Variants in ZNF33A observed in about 807,000 individuals in gnomAD.
ZNF33A encodes the protein brain my041 protein.
Under a neutral mutation model 15.9 loss-of-function variants are expected in ZNF33A, and 9 were observed. The observed-to-expected ratio is 0.57, with a 90% CI of 0.34 to 0.99. The LOEUF is 0.99. Among genes scored for constraint, ZNF33A ranks in the 50% least tolerant of loss-of-function variants. ZNF33A has a pLI of 0.02. For missense variants in ZNF33A, 843 were observed against 941.6 expected (o/e 0.90, Z 1.37); for synonymous variants, 294 against 324.2 (o/e 0.91, Z 1.00).
Position 38,056,635 on chromosome 10 carries a change from A to G in ZNF33A, c.*75A>G. ...ACCCATAGACTACAACAATTATAGG[A>G]CAGCTTTTGTTAGGAAGTGATATTC... On this transcript the variant is annotated 3_prime_UTR_variant, in exon 5 of 5. Transcript: ENST00000432900. 2 of 1,482,698 alleles carry G rather than the reference A, an allele frequency of 1.3e-6. No individual in the cohort carries two copies. Among genetic ancestry groups the G allele is most frequent in the Non-Finnish European group, 1.8e-6 (2 of 1,123,068 alleles). 91.8% of individuals were successfully genotyped at this position (1,482,698 alleles called of 1,614,324 possible).
intron 4 of ZNF33A, among the ~76,000 whole-genome samples, chr10:38,038,765 G>C (rs775988598): frequency 6.6e-6 from 1 of 152,034 alleles, no homozygotes; most frequent in Non-Finnish European, 1.5e-5. Context: ...CTCTATTCCT[G>C]GTTTGCTGAT....
At chr10:38,021,521 G>T (rs55816483) in intron 4 of ZNF33A, among the ~76,000 whole-genome samples, 79,832 of 151,776 alleles carry the variant, frequency 0.53, 21,309 homozygotes, top group South Asian at 0.71. Context: ...CATGCCTGTA[G>T]TCCCAGCTAC....
At chr10:38,015,838 C>G (rs2064428204) in intron 2 of ZNF33A, 1 of 426,690 alleles carries the variant, frequency 2.3e-6, no homozygotes. Context: ...CTGGTTTCTT[C>G]TACAGTAGTT....
rs2066535774 is a variant in ZNF33A at position 38,057,542 on chromosome 10, C to T, written c.*982C>T. ...TAGTGGTTACATTATCAGGCCCATC[C>T]CAGATGTTTGTGATGTCCTGAAACA... is the stretch of plus-strand genomic sequence containing the variant. On this transcript the variant is annotated 3_prime_UTR_variant, in exon 5 of 5. Transcript: ENST00000432900. 6.1e-6 allele frequency: 6 copies of T among 985,056 alleles called. No homozygotes were observed. The highest frequency in any genetic ancestry group is 6.0e-6 in the Non-Finnish European group (5 of 829,770). The allele number at this position is 985,056 out of a possible 1,614,324, so 61.0% of individuals were successfully genotyped here.
At position 38,054,531 on chromosome 10, in the gene ZNF33A, G is replaced by C. The variant is rs766342987; in HGVS notation, c.407G>C (p.Arg136Thr). Residue 136 changes from arginine to threonine, a missense_variant, in exon 5 of 5, where the codon AGA becomes ACA. Transcript: ENST00000432900. ...FNVDVSSFPSRKMFCQCDSCG... is the reference protein window; with the variant it reads ...FNVDVSSFPSTKMFCQCDSCG... Reference sequence around the variant, plus strand: ...GTGGATGTAAGTTCTTTTCCTTCCAGAAAAATGTTCTGTCAGTGTGATTCA... The same window carrying C: ...GTGGATGTAAGTTCTTTTCCTTCCACAAAAATGTTCTGTCAGTGTGATTCA... 1.9e-6 allele frequency: 3 copies of C among 1,612,680 alleles called. No homozygotes were observed. Among genetic ancestry groups the C allele is most frequent in the Non-Finnish European group, 2.5e-6 (3 of 1,179,576 alleles).
intron 1 of ZNF33A, among the ~76,000 whole-genome samples, chr10:38,011,399 A>G (rs1351605799): frequency 2.0e-5 from 3 of 152,128 alleles, no homozygotes; most frequent in Non-Finnish European, 4.4e-5. Flanking sequence ...AGCCTGACCA[A>G]CATGGTGAAA....
chr10:38,034,097 T>C (rs1437424696), intron 4 of ZNF33A, among the ~76,000 whole-genome samples: 4 of 152,242 alleles, frequency 2.6e-5, no homozygotes, highest in African/African-American at 7.2e-5. Context: ...TCATGACTTA[T>C]AGAAAAATTG....
rs925239769 is a variant in ZNF33A at position 38,059,241 on chromosome 10, C to T, written c.*2681C>T. The T allele has an allele frequency of 6.6e-6, 1 of 152,072 alleles. No homozygotes were observed. Among genetic ancestry groups the T allele is most frequent in the Non-Finnish European group, 1.5e-5 (1 of 68,018 alleles). The allele number at this position is 152,072 out of a possible 1,614,324, so 9.4% of individuals were successfully genotyped here. On this transcript the variant is annotated 3_prime_UTR_variant, in exon 5 of 5. Transcript: ENST00000432900. ...TGGTAAAGAACATACTACAAAAAACCCTACAGCTAACATTATCCTTGATGT... is the reference window on the plus strand; with the variant it reads ...TGGTAAAGAACATACTACAAAAAACTCTACAGCTAACATTATCCTTGATGT...
chr10:38,019,381 ATTG>A (rs1322153876), intron 4 of ZNF33A, among the ~76,000 whole-genome samples: 3 of 152,040 alleles, frequency 2.0e-5, no homozygotes, highest in Non-Finnish European at 2.9e-5. Flanking sequence ...AATCCAGTCT[ATTG>A]TTGTTGGACA....
At chr10:38,033,901 C>T (rs189820744) in intron 4 of ZNF33A, among the ~76,000 whole-genome samples, 16 of 151,876 alleles carry the variant, frequency 1.1e-4, no homozygotes, top group Middle Eastern at 3.4e-3. Context: ...TTGGTAGAGA[C>T]GGGGTTTCAT....
At chr10:38,051,355 A>C (rs2135743992) in intron 4 of ZNF33A, among the ~76,000 whole-genome samples, 1 of 152,330 alleles carries the variant, frequency 6.6e-6, no homozygotes, top group African/African-American at 2.4e-5. Context: ...CAGAAATCAG[A>C]AATTTAACCC....
chr10:38,061,787 C>A (rs972247920), downstream of ZNF33A, among the ~76,000 whole-genome samples: 3 of 151,986 alleles, frequency 2.0e-5, no homozygotes, highest in African/African-American at 7.3e-5. Context: ...ATGGTGAAAC[C>A]CCGTCTCTAC....
At chr10:38,038,218 G>A (rs568837628) in intron 4 of ZNF33A, among the ~76,000 whole-genome samples, 15 of 152,142 alleles carry the variant, frequency 9.9e-5, no homozygotes, top group South Asian at 2.1e-4. Flanking sequence ...CTGCGTCTCA[G>A]CCTCCCAAGT....
intron 1 of ZNF33A, among the ~76,000 whole-genome samples, chr10:38,011,115 C>G (rs1208820916): frequency 3.3e-5 from 5 of 152,200 alleles, no homozygotes; most frequent in African/African-American, 1.2e-4. Flanking sequence ...CGCCGCGGTA[C>G]GTGGGCGGGG....
chr10:38,042,995 A>G (rs1378301318), intron 4 of ZNF33A, among the ~76,000 whole-genome samples: 1 of 152,176 alleles, frequency 6.6e-6, no homozygotes, highest in African/African-American at 2.4e-5. Flanking sequence ...CTCTCGTATC[A>G]TTGCCTTTAC....
downstream of ZNF33A, among the ~76,000 whole-genome samples, chr10:38,065,520 G>A (rs2066702215): frequency 1.3e-5 from 2 of 152,138 alleles, no homozygotes; most frequent in East Asian, 3.8e-4. Context: ...CTCTCAATAT[G>A]TCACTTCAAA....
Position 38,056,171 on chromosome 10 carries a change from C to G in ZNF33A, c.2047C>G (p.His683Asp). ...SFCVKSGLIF[H>D]ERKHTGEKPY... ...CTGTGTAAAATCAGGACTTATTTTC[C>G]ATGAGAGAAAGCACACGGGGGAGAA... is the stretch of plus-strand genomic sequence containing the variant. Residue 683 changes from histidine (H) to aspartate (D), a missense_variant, in exon 5 of 5, where the codon CAT (histidine) becomes GAT (aspartate). Coordinates refer to ENST00000432900, the MANE Select transcript of ZNF33A (RefSeq NM_006954.2). 3 of 1,614,052 alleles carry G rather than the reference C, an allele frequency of 1.9e-6. No individual in the cohort carries two copies. The highest frequency in any genetic ancestry group is 2.5e-6 in the Non-Finnish European group (3 of 1,179,978).
chr10:38,056,492 A>G lies in ZNF33A; in HGVS notation c.2368A>G (p.Ser790Gly). The G allele has an allele frequency of 6.2e-7, 1 of 1,612,454 alleles. No homozygotes were observed. The highest frequency in any genetic ancestry group is 8.5e-7 in the Non-Finnish European group (1 of 1,179,098). The change falls in exon 5 of 5, where the codon AGC (serine) becomes GGC (glycine). Residue 790 changes from serine to glycine, a missense_variant. By Grantham distance (56) the Ser-to-Gly change is moderately conservative. Transcript: ENST00000432900. ...MDIRNFQPQV[S>G]LHNASEYSHC... ...TATTAGAAATTTCCAGCCACAAGTCAGCCTCCATAATGCCTCAGAGTATTC... is the reference window on the plus strand; with the variant it reads ...TATTAGAAATTTCCAGCCACAAGTCGGCCTCCATAATGCCTCAGAGTATTC...
chr10:38,014,669 T>A (rs2064363432), intron 2 of ZNF33A, among the ~76,000 whole-genome samples: 2 of 152,190 alleles, frequency 1.3e-5, no homozygotes, highest in South Asian at 4.1e-4. Flanking sequence ...GTCTGTGTGT[T>A]TTTTGGGCTA....
Sources: allele counts gnomAD v4.1 joint callset (sites outside exome capture counted in the v4.1 genomes callset), GRCh38; gene constraint gnomAD v4.1.1; transcripts MANE v1.5; gene names NCBI Gene and HGNC (gene_info 2026-07-23, HGNC 2026-07-21).